The following OSBPL10 variants were observed in gnomAD, a reference collection of about 807,000 sequenced individuals.
OSBPL10 encodes oxysterol-binding protein-related protein 10.
OSBPL10 carries 49 observed loss-of-function variants against 81.7 expected under a neutral mutation model. The ratio of observed to expected loss-of-function variants is 0.60; its 90% confidence interval spans 0.48 to 0.76. OSBPL10 has a LOEUF of 0.76. Ranked by LOEUF, OSBPL10 falls within the 30% of genes least tolerant of loss-of-function variation. The probability of loss-of-function intolerance (pLI) is 0.00; values close to 1 mark genes in which losing one functional copy is unlikely to be tolerated. For missense variants in OSBPL10, 923 were observed against 987.8 expected, an observed-to-expected ratio of 0.93 and a Z score of 0.88; for synonymous variants, 419 against 383.6, an observed-to-expected ratio of 1.09 and a Z score of -1.08.
chr3:31,903,172 G>A (rs12495259), intron 1 of OSBPL10, among the ~76,000 whole-genome samples: 31,046 of 151,894 alleles, frequency 0.2, 3,243 homozygotes, highest in Non-Finnish European at 0.24. Context: ...CTAGGTGCCA[G>A]GAATACAACA....
intron 6 of OSBPL10, among the ~76,000 whole-genome samples, chr3:31,718,588 T>G (rs550531110): frequency 6.6e-6 from 1 of 152,356 alleles, no homozygotes; most frequent in East Asian, 1.9e-4. Flanking sequence ...ATGAAACGCA[T>G]CCTTCATATG....
intron 1 of OSBPL10, among the ~76,000 whole-genome samples, chr3:31,964,358 G>A (rs1055857500): frequency 6.6e-6 from 1 of 152,134 alleles, no homozygotes; most frequent in Non-Finnish European, 1.5e-5. Flanking sequence ...GGTTTAGCCA[G>A]GTTGCCCAGA....
intron 6 of OSBPL10, among the ~76,000 whole-genome samples, chr3:31,720,742 T>C (rs1260011561): frequency 1.3e-5 from 2 of 151,556 alleles, no homozygotes; most frequent in African/African-American, 2.4e-5. Context: ...CTACTCAAAG[T>C]ACAAAAAATT....
chr3:31,841,577 G>C (rs770777934), intron 3 of OSBPL10, among the ~76,000 whole-genome samples: 2 of 152,196 alleles, frequency 1.3e-5, no homozygotes, highest in African/African-American at 2.4e-5. Context: ...CAGGATTTCA[G>C]GTAGCAGAGT....
At chr3:32,036,524 G>T (rs980663874) in intron 2 of OSBPL10, among the ~76,000 whole-genome samples, 3 of 152,088 alleles carry the variant, frequency 2.0e-5, no homozygotes, top group Non-Finnish European at 4.4e-5. Context: ...TTGCCTCAAG[G>T]TTACCATGGG....
chr3:31,774,267 T>C (rs965198765), intron 4 of OSBPL10, among the ~76,000 whole-genome samples: 7 of 151,754 alleles, frequency 4.6e-5, no homozygotes. Flanking sequence ...AGGGAGAGTG[T>C]GAGGTCAGGT....
In OSBPL10 at chr3:31,961,739, C is replaced by A. The variant is rs553825988; in HGVS notation, c.281+19160G>T. ...TCTCAGCCTCCTGAGTATTAAATTT[C>A]ATTTTAAATGGCATATATTCTAGTG... On this transcript the variant is annotated intron_variant, in intron 1 of 11. Transcript: ENST00000396556. Among the ~76,000 whole-genome samples the A allele has an allele frequency of 4.6e-5, 7 of 151,846 alleles. No homozygotes were observed. The South Asian group carries it at 1.0e-3, about 23-fold the overall frequency.
rs752379932 is a variant in OSBPL10 at position 31,683,637 on chromosome 3, C to A, written c.1723G>T (p.Glu575Ter). The A allele has an allele frequency of 6.2e-7, 1 of 1,606,854 alleles. No homozygotes were observed. Among genetic ancestry groups the A allele is most frequent in the South Asian group, 1.1e-5 (1 of 91,008 alleles). ...TCCAACATACGACATGGCTTACCTT[C>A]CCCTATCATAGAGACCCCCACGGAC... is the stretch of plus-strand genomic sequence containing the variant. ...GMSVGVSMIG[E>*]GVLRLLEHGE... The change falls in exon 8 of 12, where the codon GAA (glutamate) becomes TAA (stop). Residue 575 changes from glutamate to a stop codon, truncating the protein, a stop_gained. Transcript: ENST00000396556. LOFTEE classifies it high-confidence loss of function.
chr3:31,981,848 G>A (rs1698855062), upstream of OSBPL10: 1 of 152,404 alleles, frequency 6.6e-6, no homozygotes, highest in Admixed American at 6.5e-5. This position sits in a 1 kb window ranked among gnomAD's most constrained non-coding sequence, Gnocchi z 4.5. Context: ...TCACAGCTCA[G>A]GGAGGCCCTC....
intron 2 of OSBPL10, among the ~76,000 whole-genome samples, chr3:31,877,731 G>A (rs2125634350): frequency 6.6e-6 from 1 of 152,230 alleles, no homozygotes; most frequent in Non-Finnish European, 1.5e-5. Context: ...CCTATTTAAG[G>A]CATGAAGATG....
Position 31,702,431 on chromosome 3 carries a change from G to A in OSBPL10, c.1173C>T (p.Gly391=), listed in dbSNP as rs138576814. The A allele has an allele frequency of 4.2e-5, 68 of 1,613,944 alleles. No individual in the cohort carries two copies. The highest frequency in any genetic ancestry group is 2.1e-4 in the South Asian group (19 of 91,074). The change falls in exon 7 of 12, where the codon GGC becomes GGT. Residue 391 remains glycine, a synonymous_variant. Transcript: ENST00000396556. ...DNEDKEETEL[G]VMEDQRSIIL... is the part of the protein sequence containing the mutation. Reference sequence around the variant, plus strand: ...TTATACTACGCTGATCCTCCATGACGCCCAATTCCGTCTCTTCCTTATCTT... The same window carrying A: ...TTATACTACGCTGATCCTCCATGACACCCAATTCCGTCTCTTCCTTATCTT...
chr3:32,005,738 C>T (rs1699199949), intron 2 of OSBPL10, among the ~76,000 whole-genome samples: 1 of 151,868 alleles, frequency 6.6e-6, no homozygotes, highest in Non-Finnish European at 1.5e-5. Flanking sequence ...AAGGCACCTG[C>T]CGCCATGCCC....
intron 1 of OSBPL10, chr3:31,907,142 T>C (rs1205966042): frequency 6.6e-6 from 1 of 151,966 alleles, no homozygotes; most frequent in Non-Finnish European, 1.5e-5. Flanking sequence ...GTAAAAGCAA[T>C]AGCAAGCCAA....
chr3:31,682,066 CTCTT>C (rs1559413132), intron 8 of OSBPL10, among the ~76,000 whole-genome samples: 1 of 152,174 alleles, frequency 6.6e-6, no homozygotes, highest in African/African-American at 2.4e-5. Flanking sequence ...GAGGCAGATC[CTCTT>C]GGCTCTAACT....
rs1699083458 is a variant in OSBPL10 at position 31,995,600 on chromosome 3, A to T, written n.298+50891T>A. 2.0e-5 allele frequency among the ~76,000 whole-genome samples: 3 copies of T among 152,318 alleles called. No homozygotes were observed. The South Asian group carries it at 6.2e-4, about 32-fold the overall frequency. On this transcript the variant is annotated intron_variant and non_coding_transcript_variant, in intron 2 of 3. Coordinates refer to the OSBPL10 transcript ENST00000479173. ...GTTTTACAATCAATTTGTACAGTTA[A>T]CGCAATCATCACAGTGGTCCTTAGG...
chr3:31,809,536 G>A (rs1449578286), intron 4 of OSBPL10, among the ~76,000 whole-genome samples: 1 of 152,226 alleles, frequency 6.6e-6, no homozygotes, highest in Non-Finnish European at 1.5e-5. Flanking sequence ...AAAAGTGCCA[G>A]TAGGGTGGTG....
chr3:31,984,926 G>A (rs1010570042), upstream of OSBPL10, among the ~76,000 whole-genome samples: 6 of 152,256 alleles, frequency 3.9e-5, no homozygotes, highest in African/African-American at 1.4e-4. Flanking sequence ...TTTTGCAAAG[G>A]CACTTTCGGT....
intron 2 of OSBPL10, among the ~76,000 whole-genome samples, chr3:32,020,190 C>T (rs1699348624): frequency 6.6e-6 from 1 of 152,166 alleles, no homozygotes; most frequent in African/African-American, 2.4e-5. Flanking sequence ...GCCATAAATT[C>T]ACCCATTGTA....
chr3:31,917,004 A>C (rs1407371987), intron 1 of OSBPL10, among the ~76,000 whole-genome samples: 15 of 151,872 alleles, frequency 9.9e-5, no homozygotes, highest in Admixed American at 9.8e-4. Flanking sequence ...AAGCCTCTCC[A>C]AAAGCATTTC....
Sources: gnomAD v4.1 joint callset for allele counts (sites outside exome capture counted in the v4.1 genomes callset) on GRCh38, gnomAD v4.1.1 for gene constraint, Gnocchi (gnomAD v3.1) non-coding constraint, MANE v1.5 for transcripts, NCBI Gene and HGNC (gene_info 2026-07-23, HGNC 2026-07-21) for gene names.